The following SLC9B2 variants were observed in gnomAD, a reference collection of about 807,000 sequenced individuals.
SLC9B2 encodes solute carrier family 9 member B2, also known as sodium/hydrogen exchanger 9B2.
Under a neutral mutation model 52.2 loss-of-function variants are expected in SLC9B2, and 39 were observed. The ratio of observed to expected loss-of-function variants is 0.75; its 90% CI spans 0.58 to 0.98. The LOEUF is 0.98. Ranked by LOEUF, SLC9B2 falls within the 50% of genes least tolerant of loss-of-function variation. The pLI, the probability that SLC9B2 is intolerant of heterozygous loss-of-function variation, is 0.00. For missense variants in SLC9B2, 626 were observed against 637.5 expected, an observed-to-expected ratio of 0.98 and a Z score of 0.19; for synonymous variants, 214 against 227.0, an observed-to-expected ratio of 0.94 and a Z score of 0.51.
chr4:103,052,889 C>A (rs1744814453), intron 4 of SLC9B2, among the ~76,000 whole-genome samples: 1 of 152,072 alleles, frequency 6.6e-6, no homozygotes, highest in South Asian at 2.1e-4. Flanking sequence ...AACGTGACAG[C>A]AGCTTCCCTG....
chr4:103,057,634 A>G (rs1391817047), intron 4 of SLC9B2, among the ~76,000 whole-genome samples, 167 bp downstream of exon 4: 7 of 152,176 alleles, frequency 4.6e-5, no homozygotes, highest in African/African-American at 1.7e-4. Context: ...TTAAATTGCT[A>G]TGTTTAACAA....
intron 11 of SLC9B2, among the ~76,000 whole-genome samples, chr4:103,027,260 TATCTTTAGG>T (rs1742306413): frequency 6.6e-6 from 1 of 152,342 alleles, no homozygotes; most frequent in African/African-American, 2.4e-5. Flanking sequence ...CATCTCCTTT[TATCTTTAGG>T]AATGTGGAAC....
At chr4:103,063,030 A>AC in intron 3 of SLC9B2, among the ~76,000 whole-genome samples, 1 of 152,264 alleles carries the variant, frequency 6.6e-6, no homozygotes, top group East Asian at 1.9e-4. Flanking sequence ...ATGTTTATCT[A>AC]CCATGAACCT....
chr4:103,073,089 A>G (rs1746810352), intron 1 of SLC9B2, among the ~76,000 whole-genome samples: 1 of 152,222 alleles, frequency 6.6e-6, no homozygotes, highest in African/African-American at 2.4e-5. Flanking sequence ...TGTAACAGAC[A>G]TCAAATCTAA....
chr4:103,019,730 G>T (rs959114587), downstream of SLC9B2: 48 of 985,616 alleles, frequency 4.9e-5, no homozygotes, highest in African/African-American at 5.6e-4. Context: ...GCGCAGGGGC[G>T]GGGCGGGGCG....
At chr4:103,072,729 T>A (rs1746774185) in intron 1 of SLC9B2, among the ~76,000 whole-genome samples, 1 of 152,244 alleles carries the variant, frequency 6.6e-6, no homozygotes, top group South Asian at 2.1e-4. Flanking sequence ...TTATTCTTGC[T>A]ATTTGCTGCC....
chr4:103,019,778 C>G, downstream of SLC9B2: 1 of 985,632 alleles, frequency 1.0e-6, no homozygotes, highest in African/African-American at 1.7e-5. Flanking sequence ...TCTTGGCTGT[C>G]CGCGCCGGCA....
At chr4:103,065,084 G>T (rs1745993778) in intron 3 of SLC9B2, among the ~76,000 whole-genome samples, 1 of 151,682 alleles carries the variant, frequency 6.6e-6, no homozygotes, top group Non-Finnish European at 1.5e-5. Context: ...GGTGGGGGAG[G>T]TGAAAGTGGC....
chr4:103,070,079 C>T (rs72939343), intron 1 of SLC9B2, among the ~76,000 whole-genome samples: 1,845 of 152,218 alleles, frequency 0.012, 34 homozygotes, highest in African/African-American at 0.041. Context: ...AAAGGTACTG[C>T]AGAAATAAAG....
Position 103,057,931 on chromosome 4 carries a change from A to T in SLC9B2, c.312T>A (p.Ile104=), listed in dbSNP as rs567189847. 3.1e-6 allele frequency: 5 copies of T among 1,613,926 alleles called. No individual in the cohort carries two copies. In the African/African-American group the frequency reaches 6.7e-5, roughly 22 times the overall value. Residue 104 remains isoleucine, a synonymous_variant, in exon 4 of 12, where the codon ATT becomes ATA. Transcript: ENST00000394785. ...IVLLWAVVWS[I]TGSECLPGGN... is the part of the protein sequence containing the mutation. The stretch of plus-strand genomic sequence containing the variant: ...CTCCAGGAAGACATTCACTGCCAGT[A>T]ATTGACCAAACTACAGCCCACAGAA...
At chr4:103,031,865 G>T (rs1742736986) in intron 9 of SLC9B2, 57 bp from the exon 10 acceptor site, 12 of 1,509,226 alleles carry the variant, frequency 8.0e-6, no homozygotes, top group East Asian at 2.3e-5. Flanking sequence ...CAAATGCAAA[G>T]AATTTTATTA....
At chr4:103,028,922 T>C in intron 10 of SLC9B2, 39 bp from the exon 11 acceptor site, 2 of 1,481,298 alleles carry the variant, frequency 1.4e-6, no homozygotes, top group Non-Finnish European at 1.8e-6. Context: ...AATAAAATAC[T>C]AGGAGAGAAA....
chr4:103,060,175 T>C (rs2110644552), intron 3 of SLC9B2, among the ~76,000 whole-genome samples: 1 of 152,016 alleles, frequency 6.6e-6, no homozygotes, highest in Admixed American at 6.6e-5. Context: ...TCTTCAAAGA[T>C]TTCCTCTTCC....
downstream of SLC9B2, among the ~76,000 whole-genome samples, chr4:103,020,877 C>T (rs1390981678): frequency 2.0e-5 from 3 of 152,188 alleles, no homozygotes; most frequent in Non-Finnish European, 4.4e-5. Flanking sequence ...ATCTGCCCGT[C>T]TTGGCTTCCC....
At position 103,043,442 on chromosome 4, in the gene SLC9B2, T is replaced by C. The variant is rs541492537; in HGVS notation, c.1000A>G (p.Lys334Glu). The change falls in exon 9 of 12, where the codon AAA becomes GAA. Residue 334 changes from lysine to glutamate, a missense_variant. Physicochemically the swap from Lys to Glu is moderately conservative, Grantham distance 56 (BLOSUM62 1). Coordinates refer to ENST00000394785, the MANE Select transcript of SLC9B2 (RefSeq NM_178833.7). ...AGGAATGTTCTCTTACACACAAGTT[T>C]GTCCTTTAGGAGAAAAAAATTCATT... ...IQYFPSRDQD[K>E]LVCKRTFLVL... The C allele has an allele frequency of 5.6e-6, 9 of 1,599,324 alleles. No homozygotes were observed. Among genetic ancestry groups the C allele is most frequent in the Admixed American group, 1.8e-5 (1 of 55,710 alleles).
chr4:103,043,267 T>C lies in SLC9B2; in HGVS notation c.1146+29A>G, dbSNP rs755584478. On this transcript the variant is annotated intron_variant, in intron 9 of 11. Transcript: ENST00000394785. ...ACTTAATCTCATTAGAAAAGAGTCA[T>C]GAGCAGAAAAACTTAAAATGAAATT... 10 of 1,585,154 alleles carry C rather than the reference T, an allele frequency of 6.3e-6. No individual in the cohort carries two copies. The Admixed American group carries it at 1.1e-4, about 18-fold the overall frequency.
chr4:103,052,526 C>G (rs999933422), intron 4 of SLC9B2, among the ~76,000 whole-genome samples: 1 of 152,076 alleles, frequency 6.6e-6, no homozygotes, highest in Admixed American at 6.6e-5. Flanking sequence ...AGCTTAACAG[C>G]CAAAAATACT....
Position 103,022,681 on chromosome 4 carries a change from G to A in SLC9B2, c.*3689C>T, listed in dbSNP as rs1356988081. On this transcript the variant is annotated 3_prime_UTR_variant, in exon 12 of 12. Coordinates refer to ENST00000394785, the MANE Select transcript of SLC9B2 (RefSeq NM_178833.7). ...TCAAGGTGATTGGGAGTTAATACCA[G>A]ACAGAAATATACTGTCCTTGGAAAT... Among the ~76,000 whole-genome samples the A allele has an allele frequency of 6.6e-6, 1 of 152,200 alleles. No homozygotes were observed. Among genetic ancestry groups the A allele is most frequent in the Non-Finnish European group, 1.5e-5 (1 of 68,028 alleles).
chr4:103,067,416 G>A, intron 2 of SLC9B2, 45 bp downstream of exon 2: 1 of 1,528,624 alleles, frequency 6.5e-7, no homozygotes, highest in Non-Finnish European at 9.0e-7. Flanking sequence ...GTAAATGAGT[G>A]GTAGAATATG....
Sources: allele counts gnomAD v4.1 joint callset (sites outside exome capture counted in the v4.1 genomes callset), GRCh38; gene constraint gnomAD v4.1.1; transcripts MANE v1.5; gene names NCBI Gene and HGNC (gene_info 2026-07-23, HGNC 2026-07-21).